EFCAB12: variants seen among roughly 807,000 people sequenced by gnomAD.
EFCAB12 encodes the protein EF-hand calcium-binding domain-containing protein 12.
Under a neutral mutation model 53.6 loss-of-function variants are expected in EFCAB12, and 43 were observed. That is an observed-to-expected ratio of 0.80 (90% CI 0.63 to 1.03). The LOEUF (loss-of-function observed/expected upper bound fraction) is 1.03. Ranked by LOEUF, EFCAB12 falls within the 50% of genes least tolerant of loss-of-function variation. The pLI is 0.00. For synonymous variants in EFCAB12, 269 were observed against 289.2 expected (o/e 0.93, Z 0.71); for missense variants, 646 against 730.6 (o/e 0.88, Z 1.34).
intron 7 of EFCAB12, chr3:129,404,030 T>TGG: frequency 3.9e-6 from 2 of 512,798 alleles, no homozygotes; most frequent in Non-Finnish European, 3.4e-6. Context: ...GGTAGCTGTG[T>TGG]GGGAGCTGAG....
Position 129,428,588 on chromosome 3 carries a change from T to TC in EFCAB12, c.-101dup, listed in dbSNP as rs1308083483. On this transcript the variant is annotated 5_prime_UTR_variant, in exon 1 of 9. Coordinates refer to ENST00000505956, the MANE Select transcript of EFCAB12 (RefSeq NM_207307.3). ...ACCGGGGTATCAGATAAACCGTAAC[T>TC]CCAAGTCGTGCGAAAGGCGCTCAGC... The TC allele has an allele frequency of 1.5e-5, 21 of 1,433,970 alleles. No individual in the cohort carries two copies. Among genetic ancestry groups the TC allele is most frequent in the Non-Finnish European group, 2.0e-5 (21 of 1,056,600 alleles). 88.8% of individuals were successfully genotyped at this position (1,433,970 alleles called of 1,614,324 possible).
chr3:129,427,840 C>T (rs149162082), intron 1 of EFCAB12, among the ~76,000 whole-genome samples: 208 of 152,344 alleles, frequency 1.4e-3, no homozygotes, highest in African/African-American at 4.8e-3. Flanking sequence ...CCTCTCTCAC[C>T]TCATTTCCAG....
chr3:129,426,349 G>GTTTTTTTT (rs1229958503), intron 1 of EFCAB12, among the ~76,000 whole-genome samples: 7 of 106,888 alleles, frequency 6.5e-5, no homozygotes, highest in African/African-American at 2.9e-4. Flanking sequence ...GGCTTACAGG[G>GTTTTTTTT]TTTTTTTTTG....
chr3:129,410,831 A>C (rs1453048333), intron 5 of EFCAB12, among the ~76,000 whole-genome samples: 1 of 152,100 alleles, frequency 6.6e-6, no homozygotes, highest in African/African-American at 2.4e-5. Flanking sequence ...TGGAGAGTCT[A>C]CCCAGTGTCA....
At chr3:129,421,937 T>C in intron 1 of EFCAB12, 134 bp from the exon 2 acceptor site, 7 of 918,682 alleles carry the variant, frequency 7.6e-6, no homozygotes, top group Non-Finnish European at 1.1e-5. Flanking sequence ...ATTGTCTTGC[T>C]GTAATCGTAA....
chr3:129,406,755 G>A (rs865990718), intron 6 of EFCAB12, among the ~76,000 whole-genome samples: 3 of 152,190 alleles, frequency 2.0e-5, no homozygotes, highest in South Asian at 4.2e-4. Flanking sequence ...CACCCACCTC[G>A]GCCTCCCAAA....
At chr3:129,404,549 T>G (rs994217580) in intron 6 of EFCAB12, 146 bp from the exon 7 acceptor site, 27 of 982,486 alleles carry the variant, frequency 2.7e-5, no homozygotes, top group Non-Finnish European at 3.5e-5. Flanking sequence ...AACTTTTTAT[T>G]GTTGAATAGT....
intron 5 of EFCAB12, among the ~76,000 whole-genome samples, chr3:129,409,750 T>C (rs1023503910): frequency 3.2e-4 from 48 of 152,336 alleles, no homozygotes; most frequent in Admixed American, 1.7e-3. Flanking sequence ...GCTGCTTTCC[T>C]GCTGCAACAC....
intron 1 of EFCAB12, among the ~76,000 whole-genome samples, chr3:129,423,461 T>C (rs9872082): frequency 0.064 from 9,678 of 151,744 alleles, 932 homozygotes; most frequent in East Asian, 0.44. Context: ...ACCTCATCTA[T>C]ACAAAAAAAT....
chr3:129,419,642 G>A (rs79193719), intron 2 of EFCAB12, among the ~76,000 whole-genome samples: 7,265 of 152,280 alleles, frequency 0.048, 218 homozygotes, highest in Middle Eastern at 0.11. Context: ...GATGCAGCAC[G>A]AGGCCCTCCC....
intron 6 of EFCAB12, among the ~76,000 whole-genome samples, chr3:129,405,951 G>T (rs536156355): frequency 1.3e-5 from 2 of 152,038 alleles, no homozygotes; most frequent in African/African-American, 2.4e-5. Context: ...AGTGGCTCAC[G>T]CCTGTAATCC....
intron 1 of EFCAB12, among the ~76,000 whole-genome samples, chr3:129,424,061 T>C (rs1234003707): frequency 6.6e-6 from 1 of 152,172 alleles, no homozygotes; most frequent in Non-Finnish European, 1.5e-5. Flanking sequence ...GCATTTACCA[T>C]ATTTTTCTGA....
At chr3:129,412,617 A>C (rs145073301) in intron 4 of EFCAB12, 1,989 of 152,670 alleles carry the variant, frequency 0.013, 30 homozygotes, top group South Asian at 0.028. Context: ...GGTCCATGGC[A>C]TACCATTCAC....
intron 3 of EFCAB12, among the ~76,000 whole-genome samples, chr3:129,416,566 C>T (rs1559789422): frequency 6.6e-6 from 1 of 152,154 alleles, no homozygotes; most frequent in African/African-American, 2.4e-5. Context: ...TGTCATAAAA[C>T]ATGTGTGAGA....
rs746423763 is a variant in EFCAB12 at position 129,401,789 on chromosome 3, C to A, written c.1523G>T (p.Gly508Val). Residue 508 changes from glycine (G) to valine (V), a missense_variant, in exon 9 of 9, where the codon GGT (glycine) becomes GTT (valine). Gly to Val is a moderately radical substitution (Grantham distance 109, BLOSUM62 -3). Coordinates refer to ENST00000505956, the MANE Select transcript of EFCAB12 (RefSeq NM_207307.3). ...GAGCTGCAGCTTATCCAGAAGATGA[C>A]CCGGCCAGAAGGAATTGGGGTGTGT... is the stretch of plus-strand genomic sequence containing the variant. ...QQTHPNSFWPGHLLDKLQLYL... is the reference protein window; with the variant it reads ...QQTHPNSFWPVHLLDKLQLYL... The A allele has an allele frequency of 1.7e-5, 27 of 1,612,490 alleles. No individual in the cohort carries two copies. The highest frequency in any genetic ancestry group is 2.3e-5 in the Non-Finnish European group (27 of 1,179,296).
Position 129,411,211 on chromosome 3 carries a change from C to G in EFCAB12, c.982G>C (p.Glu328Gln). ...TQMETRPMTL[E>Q]EMEEVGKRYR... ...CGCTTGCCCACTTCCTCCATCTCCT[C>G]CAGGGTCATGGGCCGCGTCTCCATC... is the stretch of plus-strand genomic sequence containing the variant. The change falls in exon 5 of 9, where the codon GAG (glutamate) becomes CAG (glutamine). Residue 328 changes from glutamate (E) to glutamine (Q), a missense_variant. By Grantham distance (29) the Glu-to-Gln change is conservative. Transcript: ENST00000505956. 1 of 1,613,432 alleles carries G rather than the reference C, an allele frequency of 6.2e-7. No individual in the cohort carries two copies. Among genetic ancestry groups the G allele is most frequent in the South Asian group, 1.1e-5 (1 of 91,008 alleles).
intron 4 of EFCAB12, chr3:129,414,662 G>T (rs1230108682): frequency 6.6e-6 from 1 of 152,184 alleles, no homozygotes. Context: ...CAGAGCTTTA[G>T]CAAGTCCATT....
At chr3:129,418,567 G>C in intron 2 of EFCAB12, 119 bp from the exon 3 acceptor site, 1 of 883,874 alleles carries the variant, frequency 1.1e-6, no homozygotes, top group Non-Finnish European at 1.6e-6. Flanking sequence ...GCAGGATAGA[G>C]TACAAAGGGC....
chr3:129,424,479 T>A (rs936473690), intron 1 of EFCAB12, among the ~76,000 whole-genome samples: 1 of 152,208 alleles, frequency 6.6e-6, no homozygotes, highest in Non-Finnish European at 1.5e-5. Context: ...AAGATGTGCC[T>A]GTCTTTGCCT....
Sources: allele counts gnomAD v4.1 joint callset (sites outside exome capture counted in the v4.1 genomes callset), GRCh38; gene constraint gnomAD v4.1.1; transcripts MANE v1.5; gene names NCBI Gene and HGNC (gene_info 2026-07-23, HGNC 2026-07-21).